Variants in AHDC1 observed in about 807,000 individuals in gnomAD.
AHDC1 encodes AT-hook DNA binding motif containing 1, also known as transcription factor Gibbin.
AHDC1 carries 7 observed loss-of-function variants against 87.9 expected under a neutral mutation model. The observed-to-expected ratio is 0.08, with a 90% confidence interval of 0.05 to 0.15. AHDC1 has a LOEUF of 0.15. Among genes scored for constraint, AHDC1 ranks in the 10% least tolerant of loss-of-function variants. The pLI, the probability that AHDC1 is intolerant of heterozygous loss-of-function variation, is 1.00. For missense variants in AHDC1, 1,841 were observed against 2,253.2 expected (o/e 0.82, Z 3.70); for synonymous variants, 1,051 against 1,006.8 (o/e 1.04, Z -0.83).
intron 3 of AHDC1, among the ~76,000 whole-genome samples, chr1:27,573,482 G>A (rs2088608972): frequency 6.6e-6 from 1 of 152,190 alleles, no homozygotes; most frequent in African/African-American, 2.4e-5. Flanking sequence ...TAGTTGGGAG[G>A]GGAATCTGTA....
intron 3 of AHDC1, among the ~76,000 whole-genome samples, chr1:27,564,107 C>G (rs1270071011): frequency 1.3e-5 from 2 of 152,218 alleles, no homozygotes; most frequent in African/African-American, 2.4e-5. Flanking sequence ...CTTCAGGCCA[C>G]AGAGCTGGGG....
chr1:27,557,973 T>G (rs1386342450), intron 5 of AHDC1, among the ~76,000 whole-genome samples: 1 of 152,054 alleles, frequency 6.6e-6, no homozygotes, highest in Admixed American at 6.5e-5. Flanking sequence ...CAGCCTCGCA[T>G]CCTCCCACAG....
chr1:27,547,038 C>T lies in AHDC1; in HGVS notation c.*43+223G>A, dbSNP rs1434912870. On this transcript the variant is annotated intron_variant, in intron 8 of 8. Coordinates refer to ENST00000673934, the MANE Select transcript of AHDC1 (RefSeq NM_001371928.1). This position sits in a 1 kb window ranked among gnomAD's most constrained non-coding sequence, Gnocchi z 4.9. ...TTTCAATTCACAAGACCCCCCCGAA[C>T]GTTCAAGCCCCCTGCTGAGTTCCCA... Among the ~76,000 whole-genome samples the T allele has an allele frequency of 6.6e-6, 1 of 151,298 alleles. No homozygotes were observed. The highest frequency in any genetic ancestry group is 6.6e-5 in the Admixed American group (1 of 15,210).
At position 27,565,233 on chromosome 1, in the gene AHDC1, G is replaced by C. The variant is rs1296535503; in HGVS notation, c.-628-6350C>G. ...CCTTGCGTGCAACCTGCCTCCCCCA[G>C]GCACCCCTACTCCCCCGCCTGGCCC... On this transcript the variant is annotated intron_variant, in intron 3 of 8. Transcript: ENST00000673934. The surrounding 1 kb of genome is among the most constrained non-coding windows in gnomAD (Gnocchi z 4.6). Among the ~76,000 whole-genome samples the C allele has an allele frequency of 7.0e-6, 1 of 143,884 alleles. No homozygotes were observed. The highest frequency in any genetic ancestry group is 1.5e-5 in the Non-Finnish European group (1 of 65,826). 94.4% of individuals were successfully genotyped at this position (143,884 alleles called of 152,430 possible).
chr1:27,548,647 T>C lies in AHDC1; in HGVS notation c.3469A>G (p.Thr1157Ala). Reference sequence around the variant, plus strand: ...TCAGAGAAGGTCTCCGACACAGCCGTCTGCTGCTTCACCTTCTGCGGTGTG... The same window carrying C: ...TCAGAGAAGGTCTCCGACACAGCCGCCTGCTGCTTCACCTTCTGCGGTGTG... ...NYTPQKVKQQ[T>A]AVSETFSESS... Residue 1157 changes from threonine (T) to alanine (A), a missense_variant, in exon 8 of 9, where the codon ACG becomes GCG. Thr to Ala is a moderately conservative substitution (Grantham distance 58). Around this residue, in one of 13 missense-constraint regions of AHDC1, gnomAD observed 505 missense variants for 626.2 expected, o/e 0.81. Transcript: ENST00000673934. 6.2e-7 allele frequency: 1 copy of C among 1,613,430 alleles called. No individual in the cohort carries two copies. The highest frequency in any genetic ancestry group is 8.5e-7 in the Non-Finnish European group (1 of 1,180,040).
At chr1:27,546,614 A>G (rs1351029463) in intron 8 of AHDC1, among the ~76,000 whole-genome samples, 1 of 152,154 alleles carries the variant, frequency 6.6e-6, no homozygotes, top group Non-Finnish European at 1.5e-5. Context: ...CACCTAGCCT[A>G]TCTCAGACCA....
At chr1:27,601,295 C>G (rs1227533984) in intron 3 of AHDC1, among the ~76,000 whole-genome samples, 2 of 152,392 alleles carry the variant, frequency 1.3e-5, no homozygotes, top group East Asian at 3.9e-4. Context: ...GGGAACGTTC[C>G]TGAGGGCTTG....
intron 3 of AHDC1, among the ~76,000 whole-genome samples, chr1:27,579,192 G>A (rs2088840401): frequency 6.6e-6 from 1 of 151,878 alleles, no homozygotes; most frequent in South Asian, 2.1e-4. Flanking sequence ...ATGCTACCAT[G>A]CCCAACTAAC....
intron 3 of AHDC1, among the ~76,000 whole-genome samples, chr1:27,572,840 G>A (rs938424386): frequency 6.6e-6 from 1 of 152,172 alleles, no homozygotes; most frequent in African/African-American, 2.4e-5. Flanking sequence ...CCCTGCGATC[G>A]CTCTTCTGGA....
At chr1:27,596,376 T>C (rs2089371701) in intron 3 of AHDC1, among the ~76,000 whole-genome samples, 1 of 152,064 alleles carries the variant, frequency 6.6e-6, no homozygotes. Context: ...GTGGGGGAAC[T>C]GCACAGCAAA....
intron 3 of AHDC1, among the ~76,000 whole-genome samples, 165 bp from the exon 4 acceptor site, chr1:27,559,048 TA>T (rs980559752): frequency 0.013 from 1,887 of 148,096 alleles, 31 homozygotes; most frequent in African/African-American, 0.043. Flanking sequence ...AGACTCTTTT[TA>T]AAAAAAAAAA....
chr1:27,575,614 C>T (rs1161680020), intron 3 of AHDC1, among the ~76,000 whole-genome samples: 7 of 151,702 alleles, frequency 4.6e-5, no homozygotes, highest in African/African-American at 1.7e-4. Context: ...GCGCAGCGCG[C>T]AGCCCGGGCT....
intron 5 of AHDC1, among the ~76,000 whole-genome samples, chr1:27,556,940 C>G (rs1022109094): frequency 6.6e-6 from 1 of 152,014 alleles, no homozygotes; most frequent in African/African-American, 2.4e-5. Context: ...GCCACTGATG[C>G]CCCCAAGGGG....
chr1:27,551,849 G>A lies in AHDC1; in HGVS notation c.267C>T (p.Ala89=), dbSNP rs761655913. 6.2e-7 allele frequency: 1 copy of A among 1,610,366 alleles called. No homozygotes were observed. Among genetic ancestry groups the A allele is most frequent in the East Asian group, 2.2e-5 (1 of 44,836 alleles). ...GGCAGCGGGCCTGTGAGACAGGACGGGCTGCCCGTGGGGGCAGCGGGTCGT... is the reference window on the plus strand; with the variant it reads ...GGCAGCGGGCCTGTGAGACAGGACGAGCTGCCCGTGGGGGCAGCGGGTCGT... ...KGDDPLPPRA[A]RPVSQARCPT... The change falls in exon 8 of 9, where the codon GCC becomes GCT. Residue 89 remains alanine (A), a synonymous_variant. Transcript: ENST00000673934.
chr1:27,552,011 G>A lies in AHDC1; in HGVS notation c.105C>T (p.Pro35=). 1 of 1,473,526 alleles carries A rather than the reference G, an allele frequency of 6.8e-7. No homozygotes were observed. The highest frequency in any genetic ancestry group is 1.4e-5 in the South Asian group (1 of 72,522). The allele number at this position is 1,473,526 out of a possible 1,614,324, so 91.3% of individuals were successfully genotyped here. Reference sequence around the variant, plus strand: ...GGGGCCGGGTGGGAAGCAGGGGCCGGGGGGTGGGGGGGCCGCCGGGGTAGT... The same window carrying A: ...GGGGCCGGGTGGGAAGCAGGGGCCGAGGGGTGGGGGGGCCGCCGGGGTAGT... ...PKYYPGGPPT[P]RPLLPTRPPA... is the part of the protein sequence containing the mutation. The change falls in exon 8 of 9, where the codon CCC becomes CCT. Residue 35 remains proline (P), a synonymous_variant. Coordinates refer to ENST00000673934, the MANE Select transcript of AHDC1 (RefSeq NM_001371928.1).
chr1:27,545,069 C>T lies in AHDC1; in HGVS notation c.*43+2192G>A, dbSNP rs140207603. On this transcript the variant is annotated intron_variant, in intron 8 of 8. Coordinates refer to ENST00000673934, the MANE Select transcript of AHDC1 (RefSeq NM_001371928.1). The stretch of plus-strand genomic sequence containing the variant: ...TGCCCAGAATGTTCTTCCCCCTCCC[C>T]GCCAGCTGTTCAGCCCCATCATTCC... 9.7e-4 allele frequency among the ~76,000 whole-genome samples: 147 copies of T among 152,062 alleles called. 1 individual carries two copies. Among genetic ancestry groups the T allele is most frequent in the African/African-American group, 3.3e-3 (138 of 41,480 alleles).
rs1032066797 is a variant in AHDC1 at position 27,590,652 on chromosome 1, T to G, written c.-629+12745A>C. Among the ~76,000 whole-genome samples, 1 of 152,132 alleles carries G rather than the reference T, an allele frequency of 6.6e-6. No individual in the cohort carries two copies. Among genetic ancestry groups the G allele is most frequent in the Non-Finnish European group, 1.5e-5 (1 of 68,022 alleles). On this transcript the variant is annotated intron_variant, in intron 3 of 8. Coordinates refer to ENST00000673934, the MANE Select transcript of AHDC1 (RefSeq NM_001371928.1). This position sits in a 1 kb window ranked among gnomAD's most constrained non-coding sequence, Gnocchi z 5.4. ...CCCTCTTGGTCTTAGCTCTCCTTCC[T>G]GGCTGGGCTGAGAGGCATCAGGAGA...
chr1:27,546,056 C>T (rs2019150852), intron 8 of AHDC1, among the ~76,000 whole-genome samples: 2 of 152,196 alleles, frequency 1.3e-5, no homozygotes, highest in African/African-American at 4.8e-5. Context: ...AATGGCCTCC[C>T]AGAGCACGGA....
Sources: gnomAD v4.1 joint callset for allele counts (sites outside exome capture counted in the v4.1 genomes callset) on GRCh38, gnomAD v4.1.1 for gene constraint, gnomAD v4.1.1 regional missense constraint, Gnocchi (gnomAD v3.1) non-coding constraint, MANE v1.5 for transcripts, NCBI Gene and HGNC (gene_info 2026-07-23, HGNC 2026-07-21) for gene names.